COL10A1: variants seen among roughly 807,000 people sequenced by gnomAD.
The protein encoded by COL10A1 is collagen alpha-1(X) chain.
Under a neutral mutation model 18.2 loss-of-function variants are expected in COL10A1, and 10 were observed. The ratio of observed to expected loss-of-function variants is 0.55; its 90% CI spans 0.34 to 0.93. The LOEUF (loss-of-function observed/expected upper bound fraction) is 0.93. Ranked by LOEUF, COL10A1 falls within the 40% of genes least tolerant of loss-of-function variation. The pLI is 0.02. For synonymous variants in COL10A1, 330 were observed against 316.6 expected (o/e 1.04, Z -0.45); for missense variants, 897 against 853.5 (o/e 1.05, Z -0.64).
the COL10A1 span, among the ~76,000 whole-genome samples, chr6:116,197,970 A>C: frequency 6.6e-6 from 1 of 152,060 alleles, no homozygotes; most frequent in Non-Finnish European, 1.5e-5. Context: ...TTTGTCATAG[A>C]GGGCAGTGGC....
chr6:116,132,883 C>G (rs1018389399), intron 1 of COL10A1, among the ~76,000 whole-genome samples: 1 of 152,112 alleles, frequency 6.6e-6, no homozygotes, highest in Admixed American at 6.6e-5. Flanking sequence ...AAAGAACATT[C>G]TTAGGTGCCA....
the COL10A1 span, among the ~76,000 whole-genome samples, chr6:116,186,370 G>A: frequency 5.3e-5 from 8 of 150,714 alleles, no homozygotes; most frequent in Non-Finnish European, 1.0e-4. Flanking sequence ...ATCTTTTTGC[G>A]ATGAATTTCC....
In COL10A1 at chr6:116,120,272, T is replaced by C. The variant is rs760612048; in HGVS notation, c.1844A>G (p.Tyr615Cys). The C allele has an allele frequency of 5.0e-6, 8 of 1,614,244 alleles. No individual in the cohort carries two copies. Among genetic ancestry groups the C allele is most frequent in the Non-Finnish European group, 5.9e-6 (7 of 1,180,044 alleles). ...GTACATTACAGGGGTGCCATTCTTATACAGGCCTACCCAAACATGAGTCCC... is the reference window on the plus strand; with the variant it reads ...GTACATTACAGGGGTGCCATTCTTACACAGGCCTACCCAAACATGAGTCCC... The part of the protein sequence containing the change: ...VKGTHVWVGL[Y>C]KNGTPVMYTY... The change falls in exon 3 of 3, where the codon TAT becomes TGT. Residue 615 changes from tyrosine to cysteine, a missense_variant. By Grantham distance (194) the Tyr-to-Cys change is radical. Transcript: ENST00000651968.
intron 2 of COL10A1, among the ~76,000 whole-genome samples, chr6:116,124,106 T>G (rs914169406): frequency 6.6e-6 from 1 of 152,142 alleles, no homozygotes; most frequent in Non-Finnish European, 1.5e-5. Context: ...AAGTATCTGT[T>G]GTATACCTGT....
the COL10A1 span, among the ~76,000 whole-genome samples, chr6:116,189,193 AT>A: frequency 5.7e-3 from 862 of 151,756 alleles, 15 homozygotes; most frequent in South Asian, 0.046. Context: ...TGAGAAATTT[AT>A]TTTAGGTACA....
intron 1 of COL10A1, chr6:116,145,377 G>C (rs1736702611): frequency 3.2e-6 from 1 of 311,658 alleles, no homozygotes; most frequent in African/African-American, 2.2e-5. Flanking sequence ...TTAAATTGAT[G>C]GTAAGAAGAA....
At chr6:116,205,907 A>G in the COL10A1 span, among the ~76,000 whole-genome samples, 1 of 151,878 alleles carries the variant, frequency 6.6e-6, no homozygotes, top group Non-Finnish European at 1.5e-5. Context: ...TCTAGGCCTC[A>G]TTTTCATATC....
At chr6:116,190,124 A>G in the COL10A1 span, among the ~76,000 whole-genome samples, 1 of 152,026 alleles carries the variant, frequency 6.6e-6, no homozygotes, top group African/African-American at 2.4e-5. Flanking sequence ...GATATTACAT[A>G]AGATGTAATA....
the COL10A1 span, among the ~76,000 whole-genome samples, chr6:116,211,135 A>G: frequency 6.6e-6 from 1 of 152,058 alleles, no homozygotes; most frequent in Non-Finnish European, 1.5e-5. Flanking sequence ...CTACTGTGAG[A>G]CCCAAATGCA....
chr6:116,153,995 T>C (rs1562141381), intron 1 of COL10A1, among the ~76,000 whole-genome samples: 1 of 151,416 alleles, frequency 6.6e-6, no homozygotes, highest in African/African-American at 2.4e-5. Flanking sequence ...TCTTTGAAAA[T>C]AGAATGTACA....
intron 1 of COL10A1, among the ~76,000 whole-genome samples, chr6:116,156,721 T>C (rs1047077960): frequency 1.3e-5 from 2 of 152,226 alleles, no homozygotes; most frequent in African/African-American, 2.4e-5. Flanking sequence ...TATTTGCTTT[T>C]AAATTTCAGC....
At chr6:116,158,006 C>G (rs1457210447) in intron 1 of COL10A1, among the ~76,000 whole-genome samples, 1 of 152,188 alleles carries the variant, frequency 6.6e-6, no homozygotes, top group Non-Finnish European at 1.5e-5. Context: ...GTTTTTTCCT[C>G]TGATCATTTG....
chr6:116,140,967 A>T (rs997274642), intron 1 of COL10A1, among the ~76,000 whole-genome samples: 1 of 152,160 alleles, frequency 6.6e-6, no homozygotes, highest in Non-Finnish European at 1.5e-5. Flanking sequence ...TCTTTCTAGG[A>T]AGTATACCTA....
the COL10A1 span, among the ~76,000 whole-genome samples, chr6:116,196,925 A>G: frequency 0.039 from 5,967 of 151,426 alleles, 176 homozygotes; most frequent in African/African-American, 0.079. Flanking sequence ...GATATCCTCA[A>G]ATGGAATAGC....
chr6:116,165,372 T>C, the COL10A1 span, among the ~76,000 whole-genome samples: 8 of 152,242 alleles, frequency 5.3e-5, no homozygotes, highest in African/African-American at 7.2e-5. Context: ...CACATGGATT[T>C]CTATATCTCT....
intron 1 of COL10A1, among the ~76,000 whole-genome samples, chr6:116,155,470 G>A (rs950838331): frequency 3.9e-5 from 6 of 151,996 alleles, no homozygotes; most frequent in Non-Finnish European, 8.8e-5. Context: ...GCCTAAAATC[G>A]TATTTTAAGA....
the COL10A1 span, among the ~76,000 whole-genome samples, chr6:116,170,780 T>A: frequency 6.6e-6 from 1 of 152,224 alleles, no homozygotes; most frequent in Non-Finnish European, 1.5e-5. Context: ...CTGAAAATAC[T>A]GCATAGTACC....
intron 1 of COL10A1, among the ~76,000 whole-genome samples, chr6:116,147,223 C>T (rs1162397266): frequency 2.0e-5 from 3 of 151,786 alleles, no homozygotes; most frequent in African/African-American, 7.3e-5. Context: ...GGCAGATCAC[C>T]TTGAGGTCAG....
rs760220486 is a variant in COL10A1, at chr6:116,121,828, C to A, written c.288G>T (p.Leu96Phe). 13 of 1,613,778 alleles carry A rather than the reference C, an allele frequency of 8.1e-6. No homozygotes were observed. The highest frequency in any genetic ancestry group is 1.1e-5 in the Non-Finnish European group (13 of 1,179,960). ...GSPGLQGEPG[L>F]PGPPGPSAVG... ...CAGCTGATGGTCCCGGTGGTCCTGG[C>A]AACCCTGGCTCTCCTTGGAGTCCAG... Residue 96 changes from leucine to phenylalanine, a missense_variant, in exon 3 of 3, where the codon TTG becomes TTT. Coordinates refer to ENST00000651968, the MANE Select transcript of COL10A1 (RefSeq NM_000493.4).
Sources: allele counts gnomAD v4.1 joint callset (sites outside exome capture counted in the v4.1 genomes callset), GRCh38; gene constraint gnomAD v4.1.1; transcripts MANE v1.5; gene names NCBI Gene and HGNC (gene_info 2026-07-23, HGNC 2026-07-21).